Variants in KCMF1 observed in about 807,000 individuals in gnomAD.
KCMF1 encodes potassium channel modulatory factor 1.
KCMF1 carries 3 observed loss-of-function variants against 41.1 expected under a neutral mutation model. That is an observed-to-expected ratio of 0.07 (90% confidence interval 0.03 to 0.19). The LOEUF (loss-of-function observed/expected upper bound fraction) is 0.19. Ranked by LOEUF, KCMF1 falls within the 10% of genes least tolerant of loss-of-function variation. The pLI is 1.00. For missense variants in KCMF1, 286 were observed against 488.9 expected (o/e 0.58, Z 3.91); for synonymous variants, 142 against 164.5 (o/e 0.86, Z 1.04).
intron 1 of KCMF1, among the ~76,000 whole-genome samples, chr2:85,009,187 T>G (rs1674593936): frequency 1.3e-5 from 2 of 152,126 alleles, no homozygotes. Context: ...TCTCATGAGA[T>G]CTGGTTGTTT....
At chr2:84,995,065 A>G (rs1674143064) in intron 1 of KCMF1, among the ~76,000 whole-genome samples, 1 of 150,820 alleles carries the variant, frequency 6.6e-6, no homozygotes, top group Non-Finnish European at 1.5e-5. Context: ...TCTGTTGCCC[A>G]TGCTGGAGTG....
At chr2:84,976,648 A>C (rs1673553473) in intron 1 of KCMF1, among the ~76,000 whole-genome samples, 1 of 150,332 alleles carries the variant, frequency 6.7e-6, no homozygotes, top group African/African-American at 2.5e-5. Context: ...AAAACAAAAA[A>C]AAACAAATTG....
intron 1 of KCMF1, among the ~76,000 whole-genome samples, chr2:85,017,784 G>T (rs1461879140): frequency 6.6e-6 from 1 of 151,954 alleles, no homozygotes; most frequent in African/African-American, 2.4e-5. Flanking sequence ...AAAAGTAAAA[G>T]GTATACCAAC....
At chr2:85,028,483 C>CTTT (rs398042498) in intron 2 of KCMF1, among the ~76,000 whole-genome samples, 7 of 47,270 alleles carry the variant, frequency 1.5e-4, no homozygotes, top group African/African-American at 2.0e-4. Context: ...CTGTGCCTGG[C>CTTT]TTTTTTTTTT....
chr2:85,028,620 G>T (rs905386110), intron 2 of KCMF1, among the ~76,000 whole-genome samples: 13 of 150,740 alleles, frequency 8.6e-5, no homozygotes, highest in Non-Finnish European at 1.6e-4. Context: ...CTCCCAAGGA[G>T]CTGGGATTAC....
chr2:85,003,005 G>A (rs868743897), intron 1 of KCMF1, among the ~76,000 whole-genome samples: 1 of 152,082 alleles, frequency 6.6e-6, no homozygotes, highest in Non-Finnish European at 1.5e-5. Context: ...TATGAATCTT[G>A]TATGGTTATT....
At chr2:85,035,887 T>C (rs1347343624) in intron 3 of KCMF1, among the ~76,000 whole-genome samples, 1 of 152,190 alleles carries the variant, frequency 6.6e-6, no homozygotes, top group Non-Finnish European at 1.5e-5. Flanking sequence ...GATACTGAAT[T>C]GGGAGAATTT....
At chr2:85,014,957 T>G (rs1258638705) in intron 1 of KCMF1, among the ~76,000 whole-genome samples, 3 of 151,856 alleles carry the variant, frequency 2.0e-5, no homozygotes, top group Non-Finnish European at 4.4e-5. Context: ...CCTAGAGGTA[T>G]TTGGTACAGC....
rs193019670 is a variant in KCMF1, at chr2:84,987,754, A to G, written c.16+16287A>G. 7.2e-5 allele frequency among the ~76,000 whole-genome samples: 11 copies of G among 152,346 alleles called. No individual in the cohort carries two copies. The East Asian group carries it at 1.9e-3, about 27-fold the overall frequency. ...AGGCTAGATTTCTAAGGATGAAAGCATAGAGAAGGGAGAAGTATGTTCATA... is the reference window on the plus strand; with the variant it reads ...AGGCTAGATTTCTAAGGATGAAAGCGTAGAGAAGGGAGAAGTATGTTCATA... On this transcript the variant is annotated intron_variant, in intron 1 of 6. Transcript: ENST00000409785.
Position 85,053,472 on chromosome 2 carries a change from CT to C in KCMF1, c.*64del. The C allele has an allele frequency of 2.7e-6, 4 of 1,495,516 alleles. No homozygotes were observed. The highest frequency in any genetic ancestry group is 3.6e-6 in the Non-Finnish European group (4 of 1,110,160). The allele number at this position is 1,495,516 out of a possible 1,614,324, so 92.6% of individuals were successfully genotyped here. On this transcript the variant is annotated 3_prime_UTR_variant, in exon 7 of 7. Transcript: ENST00000409785. ...ATTTGCCAATGAAAGTGGACAACAA[CT>C]ATCTTGGGTTTGTTTGGTGATTGTA...
intron 4 of KCMF1, among the ~76,000 whole-genome samples, chr2:85,044,222 G>A (rs187858004): frequency 2.5e-3 from 386 of 152,194 alleles, no homozygotes; most frequent in Non-Finnish European, 4.6e-3. Flanking sequence ...TTGTGGGTGT[G>A]GTGTGGTGAG....
chr2:85,041,726 G>C (rs1675538911), intron 3 of KCMF1, among the ~76,000 whole-genome samples: 2 of 149,584 alleles, frequency 1.3e-5, no homozygotes, highest in Admixed American at 6.6e-5. Flanking sequence ...TTAAATAACT[G>C]GAACTTGTTT....
At position 85,043,599 on chromosome 2, in the gene KCMF1, T is replaced by C; in HGVS notation, c.360T>C (p.Asp120=). The C allele has an allele frequency of 6.2e-7, 1 of 1,613,108 alleles. No individual in the cohort carries two copies. The highest frequency in any genetic ancestry group is 8.5e-7 in the Non-Finnish European group (1 of 1,179,386). The part of the protein sequence containing the change: ...CPICAALPGG[D]PNHVTDDFAA... ...TATGTGCAGCGTTACCTGGAGGCGA[T>C]CCTAATCATGTCACGGATGACTTTG... is the stretch of plus-strand genomic sequence containing the variant. Residue 120 remains aspartate, a synonymous_variant, in exon 4 of 7, where the codon GAT becomes GAC. Coordinates refer to ENST00000409785, the MANE Select transcript of KCMF1 (RefSeq NM_020122.5).
At chr2:85,006,015 C>T (rs942223546) in intron 1 of KCMF1, among the ~76,000 whole-genome samples, 1 of 152,088 alleles carries the variant, frequency 6.6e-6, no homozygotes, top group Non-Finnish European at 1.5e-5. Flanking sequence ...GACATACTTC[C>T]TCTTCAGTAA....
intron 1 of KCMF1, among the ~76,000 whole-genome samples, chr2:84,976,923 G>A (rs1200175358): frequency 6.6e-6 from 1 of 151,880 alleles, no homozygotes; most frequent in African/African-American, 2.4e-5. Flanking sequence ...ATGATGTTTT[G>A]AAATATGTAT....
chr2:85,047,044 A>G (rs1574043305), intron 5 of KCMF1, among the ~76,000 whole-genome samples: 1 of 152,210 alleles, frequency 6.6e-6, no homozygotes, highest in African/African-American at 2.4e-5. Context: ...AGGAAAAAAC[A>G]TAGTATGTAT....
intron 1 of KCMF1, among the ~76,000 whole-genome samples, 163 bp from the exon 2 acceptor site, chr2:85,027,726 G>A (rs1675148241): frequency 6.6e-6 from 1 of 152,094 alleles, no homozygotes; most frequent in Non-Finnish European, 1.5e-5. Context: ...TCAGAGTAAT[G>A]AATCCAGCAC....
intron 1 of KCMF1, among the ~76,000 whole-genome samples, chr2:84,987,930 G>A (rs1242141057): frequency 6.6e-6 from 1 of 152,106 alleles, no homozygotes; most frequent in East Asian, 1.9e-4. Context: ...CTTTAAAAAT[G>A]TAGGCTTCTG....
intron 1 of KCMF1, among the ~76,000 whole-genome samples, chr2:84,992,266 C>CT (rs1450583473): frequency 6.6e-6 from 1 of 152,162 alleles, no homozygotes; most frequent in African/African-American, 2.4e-5. Context: ...AGCTCTTTTT[C>CT]TTTTTTTGAG....
Sources: gnomAD v4.1 joint callset for allele counts (sites outside exome capture counted in the v4.1 genomes callset) on GRCh38, gnomAD v4.1.1 for gene constraint, MANE v1.5 for transcripts, NCBI Gene and HGNC (gene_info 2026-07-23, HGNC 2026-07-21) for gene names.